The following RGS22 variants were observed in gnomAD, a reference collection of about 807,000 sequenced individuals.
RGS22 encodes regulator of G protein signaling 22.
A neutral mutation model predicts 172.9 loss-of-function variants in RGS22; 148 were observed. The ratio of observed to expected loss-of-function variants is 0.86; its 90% CI spans 0.75 to 0.98. The LOEUF is 0.98. Among genes scored for constraint, RGS22 ranks in the 50% least tolerant of loss-of-function variants. RGS22 has a pLI of 0.00. For synonymous variants in RGS22, 458 were observed against 480.2 expected (o/e 0.95, Z 0.60); for missense variants, 1,347 against 1,440.8 (o/e 0.93, Z 1.05).
intron 9 of RGS22, among the ~76,000 whole-genome samples, chr8:100,058,177 A>AC (rs1809802602): frequency 9.2e-6 from 1 of 108,120 alleles, no homozygotes; most frequent in South Asian, 3.3e-4. Flanking sequence ...GAGACAAAAA[A>AC]AAAAAAAAAC....
chr8:100,036,144 A>G (rs1819444257), intron 14 of RGS22, among the ~76,000 whole-genome samples: 1 of 151,640 alleles, frequency 6.6e-6, no homozygotes, highest in Non-Finnish European at 1.5e-5. Flanking sequence ...AAATAAAAGA[A>G]AAATCTCCAA....
At chr8:100,020,873 T>A (rs981462192) in intron 14 of RGS22, among the ~76,000 whole-genome samples, 15 of 152,210 alleles carry the variant, frequency 9.9e-5, no homozygotes, top group African/African-American at 3.6e-4. Flanking sequence ...TTGAGGTGTA[T>A]CTGTATGGGG....
intron 11 of RGS22, 146 bp downstream of exon 11, chr8:100,047,317 T>C (rs1260362914): frequency 2.0e-5 from 12 of 599,102 alleles, no homozygotes; most frequent in Non-Finnish European, 3.1e-5. Flanking sequence ...TCATGCAAAG[T>C]ATAAGCCTCT....
rs758209612 is a variant in RGS22, at chr8:100,063,556, A to G, written c.1212T>C (p.His404=). Residue 404 remains histidine, a synonymous_variant, in exon 8 of 28, where the codon CAT becomes CAC. Coordinates refer to ENST00000360863, the MANE Select transcript of RGS22 (RefSeq NM_015668.5). ...TTCTATTGCCAATGTCATAAGTCCT[A>G]TGAGAAATACACCAGTCCGCCCTGC... The part of the protein sequence containing the change: ...PESRADWCIS[H]RTYDIGNRKE... 24 of 1,613,932 alleles carry G rather than the reference A, an allele frequency of 1.5e-5. No homozygotes were observed. Among genetic ancestry groups the G allele is most frequent in the Non-Finnish European group, 1.8e-5 (21 of 1,179,996 alleles).
Position 100,052,849 on chromosome 8 carries a change from A to G in RGS22, c.1642T>C (p.Leu548=). ...ATGCAAGATTTGGGTCTTAATGGCAAGAGGGTTGCCATTTGTGGAAAAGGG... is the reference window on the plus strand; with the variant it reads ...ATGCAAGATTTGGGTCTTAATGGCAGGAGGGTTGCCATTTGTGGAAAAGGG... ...IDPFPQMATL[L]PLRPKSCIPQ... Residue 548 remains leucine (L), a synonymous_variant, in exon 10 of 28, where the codon TTG becomes CTG. Transcript: ENST00000360863. 1.2e-6 allele frequency: 2 copies of G among 1,614,146 alleles called. No individual in the cohort carries two copies. Among genetic ancestry groups the G allele is most frequent in the South Asian group, 2.2e-5 (2 of 91,086 alleles).
chr8:99,988,983 T>C (rs1041927496), intron 20 of RGS22, among the ~76,000 whole-genome samples: 1 of 152,124 alleles, frequency 6.6e-6, no homozygotes, highest in Non-Finnish European at 1.5e-5. Context: ...CTGCTTAAGA[T>C]ACTAAAACTT....
rs777735631 is a variant in RGS22 at position 100,063,759 on chromosome 8, C to T, written c.1009G>A (p.Gly337Arg). Residue 337 changes from glycine (G) to arginine (R), a missense_variant, in exon 8 of 28, where the codon GGA becomes AGA. Gly to Arg is a moderately radical substitution (Grantham distance 125). Transcript: ENST00000360863. ...AIQQIVGKPV[G>R]ETPDYINFNN... ...AAGTTTATATAGTCTGGGGTTTCTC[C>T]AACTGGCTTTCCAACAATTTGCTGA... 11 of 1,613,952 alleles carry T rather than the reference C, an allele frequency of 6.8e-6. 1 individual carries two copies. In the Admixed American group the frequency reaches 1.8e-4, roughly 27 times the overall value.
At chr8:100,091,168 C>T (rs181030838) in intron 3 of RGS22, among the ~76,000 whole-genome samples, 1 of 152,134 alleles carries the variant, frequency 6.6e-6, no homozygotes, top group East Asian at 1.9e-4. Flanking sequence ...ATTCCTTCTC[C>T]TCCCTGTCCC....
chr8:100,066,569 A>G (rs1810550277), intron 6 of RGS22, among the ~76,000 whole-genome samples: 1 of 152,128 alleles, frequency 6.6e-6, no homozygotes, highest in Admixed American at 6.5e-5. Context: ...CTCTCAGACT[A>G]TTGTTGACCA....
At chr8:100,073,052 ATACT>A (rs570802959) in intron 4 of RGS22, among the ~76,000 whole-genome samples, 11 of 152,232 alleles carry the variant, frequency 7.2e-5, no homozygotes, top group South Asian at 2.1e-4. Context: ...TCATCCTAAA[ATACT>A]TACTCACTCT....
chr8:100,052,715 T>G, intron 10 of RGS22, 87 bp downstream of exon 10: 1 of 1,200,636 alleles, frequency 8.3e-7, no homozygotes, highest in South Asian at 1.5e-5. Flanking sequence ...ACAAAGCTTG[T>G]AATGAAAATT....
In RGS22 at chr8:100,080,165, T is replaced by C. The variant is rs765374887; in HGVS notation, c.308A>G (p.Asp103Gly). 6 of 1,611,400 alleles carry C rather than the reference T, an allele frequency of 3.7e-6. No individual in the cohort carries two copies. In the Admixed American group the frequency reaches 8.3e-5, roughly 22 times the overall value. The change falls in exon 4 of 28, where the codon GAT becomes GGT. Residue 103 changes from aspartate to glycine, a missense_variant. Transcript: ENST00000360863. ...ATTGTAGTTGACATTAATGGTCTCATCTTCATCGGGGGCATTCATTTGAAC... is the reference window on the plus strand; with the variant it reads ...ATTGTAGTTGACATTAATGGTCTCACCTTCATCGGGGGCATTCATTTGAAC... ...KPVQMNAPDE[D>G]ETINVNYNIM...
chr8:100,044,880 T>C (rs753911117), intron 11 of RGS22, among the ~76,000 whole-genome samples: 2 of 152,148 alleles, frequency 1.3e-5, no homozygotes, highest in African/African-American at 2.4e-5. Context: ...TATATCCCAA[T>C]ATATATCCTA....
chr8:100,029,883 T>C (rs1044699046), intron 14 of RGS22, among the ~76,000 whole-genome samples: 1 of 152,110 alleles, frequency 6.6e-6, no homozygotes, highest in African/African-American at 2.4e-5. Context: ...AACACAAATA[T>C]AATGTTTAAT....
intron 20 of RGS22, among the ~76,000 whole-genome samples, chr8:99,990,910 G>T (rs777896571): frequency 6.6e-6 from 1 of 152,192 alleles, no homozygotes; most frequent in Non-Finnish European, 1.5e-5. Flanking sequence ...AGCTTCCAGA[G>T]GAAGGATCAG....
At chr8:100,060,417 TATATACAC>T (rs1261347288) in intron 9 of RGS22, among the ~76,000 whole-genome samples, 3 of 131,034 alleles carry the variant, frequency 2.3e-5, no homozygotes, top group Admixed American at 8.0e-5. Flanking sequence ...TATATATATA[TATATACAC>T]ACACACACAC....
chr8:100,052,599 C>A (rs1378449240), intron 10 of RGS22, among the ~76,000 whole-genome samples: 2 of 152,094 alleles, frequency 1.3e-5, no homozygotes, highest in Non-Finnish European at 2.9e-5. Context: ...CGCGCCCGGC[C>A]ATGATTGTAT....
chr8:100,009,778 C>A (rs1249643492), intron 14 of RGS22, among the ~76,000 whole-genome samples: 1 of 152,110 alleles, frequency 6.6e-6, no homozygotes, highest in African/African-American at 2.4e-5. Flanking sequence ...TTAAAATAAT[C>A]TTTTAAGACT....
intron 9 of RGS22, among the ~76,000 whole-genome samples, chr8:100,056,753 G>T (rs1809653778): frequency 6.6e-6 from 1 of 152,204 alleles, no homozygotes. Context: ...GGAAACTCCT[G>T]GATGTCCAGA....
Sources: allele counts gnomAD v4.1 joint callset (sites outside exome capture counted in the v4.1 genomes callset), GRCh38; gene constraint gnomAD v4.1.1; transcripts MANE v1.5; gene names NCBI Gene and HGNC (gene_info 2026-07-23, HGNC 2026-07-21).